Variants in CDK14 observed in about 807,000 individuals in gnomAD.
CDK14 encodes cyclin dependent kinase 14.
A neutral mutation model predicts 60.7 loss-of-function variants in CDK14; 34 were observed. The observed-to-expected ratio is 0.56, with a 90% CI of 0.43 to 0.75. CDK14 has a LOEUF of 0.75. CDK14 is among the 30% of genes least tolerant of loss of function. CDK14 has a pLI of 0.00. For synonymous variants in CDK14, 197 were observed against 203.7 expected (o/e 0.97, Z 0.28); for missense variants, 482 against 564.1 (o/e 0.85, Z 1.47).
intron 14 of CDK14, among the ~76,000 whole-genome samples, chr7:91,138,143 C>A (rs1258295483): frequency 6.6e-6 from 1 of 152,114 alleles, no homozygotes; most frequent in East Asian, 1.9e-4. Context: ...TTCACTTCAG[C>A]CATGGTTCAA....
chr7:90,647,685 C>T (rs1800499420), intron 2 of CDK14, among the ~76,000 whole-genome samples: 1 of 152,060 alleles, frequency 6.6e-6, no homozygotes, highest in African/African-American at 2.4e-5. Flanking sequence ...AGCAGCTGAA[C>T]TCTTTAAATA....
At chr7:91,075,503 C>G (rs1165972798) in intron 11 of CDK14, among the ~76,000 whole-genome samples, 2 of 152,198 alleles carry the variant, frequency 1.3e-5, no homozygotes, top group Non-Finnish European at 1.5e-5. Context: ...AAACCCATAG[C>G]CAATATCATA....
intron 10 of CDK14, among the ~76,000 whole-genome samples, chr7:90,989,005 T>TGTGTGTGA (rs1246477676): frequency 2.7e-5 from 4 of 149,308 alleles, no homozygotes; most frequent in Non-Finnish European, 5.9e-5. Context: ...TGTGTGAGTG[T>TGTGTGTGA]GTGTGTGTGT....
At chr7:90,685,747 G>A (rs1318569790) in intron 2 of CDK14, among the ~76,000 whole-genome samples, 1 of 146,646 alleles carries the variant, frequency 6.8e-6, no homozygotes, top group African/African-American at 2.5e-5. Context: ...GAGCCACAGT[G>A]CCTAGCCAGC....
chr7:91,072,638 G>A (rs1340822592), intron 11 of CDK14, among the ~76,000 whole-genome samples: 2 of 152,014 alleles, frequency 1.3e-5, no homozygotes, highest in Non-Finnish European at 2.9e-5. Flanking sequence ...GATCGCAACA[G>A]CTCTCCAGCA....
chr7:90,740,912 G>A (rs1000678763), intron 3 of CDK14, among the ~76,000 whole-genome samples: 1 of 152,098 alleles, frequency 6.6e-6, no homozygotes, highest in African/African-American at 2.4e-5. Context: ...TGGGCAAATC[G>A]GTGTTTCTGG....
intron 11 of CDK14, among the ~76,000 whole-genome samples, chr7:91,057,558 A>C (rs1797620000): frequency 6.6e-6 from 1 of 152,146 alleles, no homozygotes; most frequent in African/African-American, 2.4e-5. Context: ...TTAAGTCTTT[A>C]ATCCATCTTG....
chr7:90,651,944 G>A (rs1218048600), intron 2 of CDK14, among the ~76,000 whole-genome samples: 1 of 152,128 alleles, frequency 6.6e-6, no homozygotes, highest in Non-Finnish European at 1.5e-5. Flanking sequence ...AGCATACACT[G>A]TATAATTTTG....
chr7:91,174,280 G>C (rs1166591192), intron 14 of CDK14, among the ~76,000 whole-genome samples: 1 of 151,824 alleles, frequency 6.6e-6, no homozygotes, highest in African/African-American at 2.4e-5. Context: ...CAAACAGAAA[G>C]GACATCCACA....
At chr7:90,608,531 T>A in intron 2 of CDK14, 1 of 984,684 alleles carries the variant, frequency 1.0e-6, no homozygotes, top group Non-Finnish European at 1.2e-6. Context: ...GTTTTTTAGC[T>A]TTGATGATTG....
At chr7:91,110,791 T>G (rs944660764) in intron 12 of CDK14, among the ~76,000 whole-genome samples, 1 of 152,210 alleles carries the variant, frequency 6.6e-6, no homozygotes, top group Admixed American at 6.5e-5. Flanking sequence ...TTATCAAAAC[T>G]ATATAAAATT....
At chr7:91,099,434 T>C (rs697401) in intron 12 of CDK14, among the ~76,000 whole-genome samples, 95 of 152,282 alleles carry the variant, frequency 6.2e-4, no homozygotes, top group South Asian at 4.1e-3. Flanking sequence ...AGTGCTTTAA[T>C]CAACCACTTT....
chr7:90,914,715 C>T (rs1054845815), intron 7 of CDK14, among the ~76,000 whole-genome samples: 6 of 152,032 alleles, frequency 3.9e-5, no homozygotes, highest in Non-Finnish European at 7.4e-5. Flanking sequence ...TCTACGTTAG[C>T]GTGAGGATTA....
chr7:91,209,895 G>A lies in CDK14; in HGVS notation c.*2759G>A, dbSNP rs1055134766. 4 of 152,602 alleles carry A rather than the reference G, an allele frequency of 2.6e-5. No homozygotes were observed. Among genetic ancestry groups the A allele is most frequent in the Non-Finnish European group, 4.4e-5 (3 of 68,024 alleles). The allele number at this position is 152,602 out of a possible 1,614,324, so 9.5% of individuals were successfully genotyped here. ...CGCAAGAGTGACTAGAAAGTTTCTA[G>A]GAGCACCTCCAGGCTTGCAAAGAAA... is the stretch of plus-strand genomic sequence containing the variant. On this transcript the variant is annotated 3_prime_UTR_variant, in exon 15 of 15. Transcript: ENST00000380050.
rs76430729 is a variant in CDK14 at position 90,988,164 on chromosome 7, T to C, written c.1041+3923T>C. Reference sequence around the variant, plus strand: ...TTCTTTTTTCCCTATTCTCTTTTTTTCTTCCTTTGGTTGAAGGGAGCAGTT... The same window carrying C: ...TTCTTTTTTCCCTATTCTCTTTTTTCCTTCCTTTGGTTGAAGGGAGCAGTT... On this transcript the variant is annotated intron_variant, in intron 10 of 14. Transcript: ENST00000380050. Among the ~76,000 whole-genome samples, 665 of 152,282 alleles carry C rather than the reference T, an allele frequency of 4.4e-3. 2 individuals are homozygous for C. The highest frequency in any genetic ancestry group is 7.4e-3 in the Non-Finnish European group (504 of 68,000).
chr7:90,684,910 A>G (rs1489864082), intron 2 of CDK14, among the ~76,000 whole-genome samples: 3 of 151,698 alleles, frequency 2.0e-5, no homozygotes, highest in Non-Finnish European at 4.4e-5. Context: ...TCATATATAT[A>G]TATTCATATT....
In CDK14 at chr7:91,143,103, G is replaced by T. The variant is rs78498701; in HGVS notation, c.*28+24895G>T. On this transcript the variant is annotated intron_variant, in intron 14 of 14. Transcript: ENST00000380050. ...AGTTCAGGGAATGCTTCATGGAAAA[G>T]ATAGCATCTGAGCTAAAACTTGAAG... Among the ~76,000 whole-genome samples the T allele has an allele frequency of 4.9e-4, 74 of 152,320 alleles. 1 individual carries two copies. The East Asian group carries it at 0.013, about 26-fold the overall frequency.
intron 8 of CDK14, among the ~76,000 whole-genome samples, chr7:90,920,681 T>A (rs1026993401): frequency 6.6e-6 from 1 of 152,248 alleles, no homozygotes; most frequent in Non-Finnish European, 1.5e-5. Flanking sequence ...AAATTATTGA[T>A]CGTTTTTGTA....
intron 4 of CDK14, among the ~76,000 whole-genome samples, chr7:90,777,138 A>G (rs985592429): frequency 3.3e-5 from 5 of 152,168 alleles, no homozygotes; most frequent in African/African-American, 1.2e-4. Flanking sequence ...AAATGTTGCT[A>G]AATGTTCCCA....
Sources: allele counts gnomAD v4.1 joint callset (sites outside exome capture counted in the v4.1 genomes callset), GRCh38; gene constraint gnomAD v4.1.1; transcripts MANE v1.5; gene names NCBI Gene and HGNC (gene_info 2026-07-23, HGNC 2026-07-21).